Variants in SENP7 observed in about 807,000 individuals in gnomAD.
SENP7 encodes the protein sentrin-specific protease 7.
SENP7 carries 64 observed loss-of-function variants against 141.2 expected under a neutral mutation model. That is an observed-to-expected ratio of 0.45 (90% CI 0.37 to 0.56). The LOEUF is 0.56. Among genes scored for constraint, SENP7 ranks in the 20% least tolerant of loss-of-function variants. The pLI, the probability that SENP7 is intolerant of heterozygous loss-of-function variation, is 0.00. For missense variants in SENP7, 1,025 were observed against 1,212.2 expected, an observed-to-expected ratio of 0.85 and a Z score of 2.29; for synonymous variants, 382 against 426.4, an observed-to-expected ratio of 0.90 and a Z score of 1.28.
intron 16 of SENP7, among the ~76,000 whole-genome samples, chr3:101,339,589 G>T (rs1485904299): frequency 6.6e-6 from 1 of 151,920 alleles, no homozygotes; most frequent in Non-Finnish European, 1.5e-5. Flanking sequence ...GTGGTGGCGG[G>T]CGCCTGTAAT....
intron 4 of SENP7, among the ~76,000 whole-genome samples, chr3:101,439,090 C>A (rs1228929466): frequency 9.0e-5 from 11 of 122,822 alleles, no homozygotes; most frequent in Non-Finnish European, 1.2e-4. Context: ...AAGTGAGGAG[C>A]GCCTCTTCCC....
At chr3:101,377,647 C>T (rs146591185) in intron 6 of SENP7, among the ~76,000 whole-genome samples, 3 of 152,276 alleles carry the variant, frequency 2.0e-5, no homozygotes, top group East Asian at 3.9e-4. Flanking sequence ...TCAAGAAAAA[C>T]TATTTCACCA....
intron 11 of SENP7, among the ~76,000 whole-genome samples, chr3:101,360,691 C>T (rs1370081297): frequency 6.6e-6 from 1 of 152,056 alleles, no homozygotes; most frequent in Non-Finnish European, 1.5e-5. Context: ...CCATAAGCAG[C>T]TTAAAAGGTT....
At position 101,399,062 on chromosome 3, in the gene SENP7, C is replaced by T; in HGVS notation, c.483-7G>A. 6.3e-7 allele frequency: 1 copy of T among 1,598,458 alleles called. No homozygotes were observed. The highest frequency in any genetic ancestry group is 1.7e-5 in the Admixed American group (1 of 58,564). On this transcript the variant is annotated splice_region_variant and splice_polypyrimidine_tract_variant and intron_variant, in intron 5 of 23. Coordinates refer to ENST00000394095, the MANE Select transcript of SENP7 (RefSeq NM_020654.5). ...CAATATAACTCTGGGTATCCTGTCA[C>T]ATAGAATAACAAACACTGTACTGTA...
chr3:101,493,571 A>T (rs1286995960), intron 3 of SENP7, among the ~76,000 whole-genome samples: 1 of 152,198 alleles, frequency 6.6e-6, no homozygotes, highest in African/African-American at 2.4e-5. Context: ...GTGCATAAGA[A>T]CAAACAATTC....
chr3:101,402,644 C>T (rs975038503), intron 5 of SENP7, among the ~76,000 whole-genome samples: 1 of 144,208 alleles, frequency 6.9e-6, no homozygotes, highest in East Asian at 2.0e-4. Flanking sequence ...AATGCTAAAT[C>T]TACTTTGCCT....
chr3:101,449,883 A>T (rs1339493277), intron 4 of SENP7, among the ~76,000 whole-genome samples: 1 of 152,220 alleles, frequency 6.6e-6, no homozygotes, highest in African/African-American at 2.4e-5. Context: ...CCTTAAATGT[A>T]AATGGGCTAA....
intron 11 of SENP7, among the ~76,000 whole-genome samples, chr3:101,355,511 A>T (rs1414084934): frequency 6.6e-6 from 1 of 152,172 alleles, no homozygotes; most frequent in Non-Finnish European, 1.5e-5. Context: ...GTCAAAGATC[A>T]GATGGTCATA....
At chr3:101,418,566 T>A (rs1478681300) in intron 4 of SENP7, among the ~76,000 whole-genome samples, 1 of 152,158 alleles carries the variant, frequency 6.6e-6, no homozygotes, top group South Asian at 2.1e-4. Context: ...CAGAAGAGTG[T>A]CTATTTTACT....
intron 5 of SENP7, among the ~76,000 whole-genome samples, chr3:101,407,705 T>C (rs1268234068): frequency 6.6e-6 from 1 of 152,034 alleles, no homozygotes; most frequent in Non-Finnish European, 1.5e-5. Context: ...AAAAATGAAA[T>C]CAAGATGGAA....
At chr3:101,422,234 C>G (rs552545593) in intron 4 of SENP7, among the ~76,000 whole-genome samples, 6 of 152,210 alleles carry the variant, frequency 3.9e-5, no homozygotes, top group African/African-American at 1.4e-4. Flanking sequence ...TAAACCACTC[C>G]CCACAACACC....
chr3:101,466,701 C>G (rs1213283994), intron 3 of SENP7, among the ~76,000 whole-genome samples: 1 of 152,046 alleles, frequency 6.6e-6, no homozygotes, highest in African/African-American at 2.4e-5. Flanking sequence ...TACAAAAAGC[C>G]ACAAAATCGG....
intron 23 of SENP7, 62 bp from the exon 24 acceptor site, chr3:101,326,142 T>C (rs1216014200): frequency 6.7e-6 from 9 of 1,341,874 alleles, no homozygotes; most frequent in Non-Finnish European, 7.9e-6. Context: ...TTGTTTTAAT[T>C]TCATTTTTAT....
chr3:101,471,086 T>G (rs2063973913), intron 3 of SENP7, among the ~76,000 whole-genome samples: 1 of 152,182 alleles, frequency 6.6e-6, no homozygotes, highest in Non-Finnish European at 1.5e-5. Flanking sequence ...TCAAAGTAAT[T>G]TATAGATTCA....
chr3:101,428,585 T>C (rs943335017), intron 4 of SENP7, among the ~76,000 whole-genome samples: 15 of 152,344 alleles, frequency 9.8e-5, no homozygotes, highest in Middle Eastern at 3.4e-3. Flanking sequence ...TCTTTGTAGA[T>C]TCTGGATATT....
intron 4 of SENP7, among the ~76,000 whole-genome samples, chr3:101,452,500 C>T (rs1293884103): frequency 6.6e-6 from 1 of 152,196 alleles, no homozygotes; most frequent in Non-Finnish European, 1.5e-5. Context: ...CAGCATGGTA[C>T]TGGTACCAAA....
chr3:101,459,657 G>A (rs2063486000), intron 3 of SENP7, among the ~76,000 whole-genome samples: 1 of 152,156 alleles, frequency 6.6e-6, no homozygotes, highest in Non-Finnish European at 1.5e-5. Context: ...GATTACATCT[G>A]TATTAAGTTT....
chr3:101,488,351 A>G (rs1457483821), intron 3 of SENP7, among the ~76,000 whole-genome samples: 2 of 152,156 alleles, frequency 1.3e-5, no homozygotes, highest in South Asian at 2.1e-4. Context: ...CAGTTCTAGG[A>G]ACTCTTCATC....
chr3:101,434,422 A>G (rs2062306262), intron 4 of SENP7, among the ~76,000 whole-genome samples: 1 of 152,028 alleles, frequency 6.6e-6, no homozygotes, highest in Admixed American at 6.5e-5. Context: ...GAGAAAAAAT[A>G]AAGAGAGAAA....
Sources: gnomAD v4.1 joint callset for allele counts (sites outside exome capture counted in the v4.1 genomes callset) on GRCh38, gnomAD v4.1.1 for gene constraint, MANE v1.5 for transcripts, NCBI Gene and HGNC (gene_info 2026-07-23, HGNC 2026-07-21) for gene names.